SPPL2A: variants seen among roughly 807,000 people sequenced by gnomAD.
The protein encoded by SPPL2A is signal peptide peptidase-like 2A.
Under a neutral mutation model 63.8 loss-of-function variants are expected in SPPL2A, and 51 were observed. That is an observed-to-expected ratio of 0.80 (90% confidence interval 0.64 to 1.01). The LOEUF (loss-of-function observed/expected upper bound fraction) is 1.01. Ranked by LOEUF, SPPL2A falls within the 50% of genes least tolerant of loss-of-function variation. The pLI is 0.00. For synonymous variants in SPPL2A, 188 were observed against 205.8 expected (o/e 0.91, Z 0.74); for missense variants, 553 against 622.7 (o/e 0.89, Z 1.19).
chr15:50,709,527 C>T (rs2062540400), intron 14 of SPPL2A, among the ~76,000 whole-genome samples: 1 of 152,114 alleles, frequency 6.6e-6, no homozygotes, highest in African/African-American at 2.4e-5. Context: ...CGCGGTGGCT[C>T]ACGCCTGTAA....
intron 8 of SPPL2A, among the ~76,000 whole-genome samples, chr15:50,735,718 G>C (rs1315326405): frequency 6.6e-6 from 1 of 152,076 alleles, no homozygotes; most frequent in African/African-American, 2.4e-5. Flanking sequence ...TGGGATTACA[G>C]GCATGCACTA....
Position 50,726,378 on chromosome 15 carries a change from C to G in SPPL2A, c.1090-1G>C. 5 of 1,613,486 alleles carry G rather than the reference C, an allele frequency of 3.1e-6. No individual in the cohort carries two copies. The highest frequency in any genetic ancestry group is 4.2e-6 in the Non-Finnish European group (5 of 1,179,450). The stretch of plus-strand genomic sequence containing the variant: ...GTTCAACCATGATACTCTCACCATT[C>G]TAAAATTGAGAAGGAAAAGAAGTTG... On this transcript the variant is annotated splice_acceptor_variant, in intron 10 of 14. Coordinates refer to ENST00000261854, the MANE Select transcript of SPPL2A (RefSeq NM_032802.4). LOFTEE classifies it high-confidence loss of function.
chr15:50,751,505 T>C (rs1250473563), intron 1 of SPPL2A, among the ~76,000 whole-genome samples: 1 of 152,250 alleles, frequency 6.6e-6, no homozygotes, highest in Non-Finnish European at 1.5e-5. Flanking sequence ...AATTGGGTAC[T>C]TCTTACTGCA....
intron 1 of SPPL2A, among the ~76,000 whole-genome samples, chr15:50,761,440 AC>A (rs575061757): frequency 1.3e-5 from 2 of 151,598 alleles, no homozygotes. Flanking sequence ...ATGTGGAGAA[AC>A]CCCCGTCTCT....
At position 50,715,157 on chromosome 15, in the gene SPPL2A, C is replaced by T. The variant is rs537792051; in HGVS notation, c.1488+4783G>A. Among the ~76,000 whole-genome samples the T allele has an allele frequency of 4.6e-5, 7 of 152,146 alleles. No individual in the cohort carries two copies. The East Asian group carries it at 1.4e-3, about 30-fold the overall frequency. ...TACAAGTGTGTGCCATCATGCCAGG[C>T]TACTTTTTTCTTGTATTTTTAGTAG... On this transcript the variant is annotated intron_variant, in intron 14 of 14. Coordinates refer to ENST00000261854, the MANE Select transcript of SPPL2A (RefSeq NM_032802.4).
chr15:50,735,378 A>ACT (rs746400607), intron 8 of SPPL2A, among the ~76,000 whole-genome samples: 1 of 150,118 alleles, frequency 6.7e-6, no homozygotes, highest in African/African-American at 2.5e-5. Context: ...TTGTTTCTGC[A>ACT]CTCTCTCTCT....
At chr15:50,713,131 TA>T (rs2062572787) in intron 14 of SPPL2A, among the ~76,000 whole-genome samples, 1 of 152,180 alleles carries the variant, frequency 6.6e-6, no homozygotes, top group African/African-American at 2.4e-5. Context: ...ACATTCAAGG[TA>T]AGCTAATTTT....
At chr15:50,744,797 C>T (rs1280693358) in intron 5 of SPPL2A, among the ~76,000 whole-genome samples, 1 of 152,116 alleles carries the variant, frequency 6.6e-6, no homozygotes, top group African/African-American at 2.4e-5. Context: ...AGATGCTTTG[C>T]GCCCCCACAA....
chr15:50,740,813 G>C (rs2062814240), intron 5 of SPPL2A, among the ~76,000 whole-genome samples: 1 of 152,094 alleles, frequency 6.6e-6, no homozygotes, highest in Non-Finnish European at 1.5e-5. Context: ...GTTTCACCAT[G>C]TTGCCCTGGC....
At chr15:50,716,965 T>C (rs2062603601) in intron 14 of SPPL2A, among the ~76,000 whole-genome samples, 1 of 152,154 alleles carries the variant, frequency 6.6e-6, no homozygotes, top group Non-Finnish European at 1.5e-5. Context: ...ACTGAATTCA[T>C]CATCATCTTC....
intron 1 of SPPL2A, among the ~76,000 whole-genome samples, chr15:50,759,623 G>A (rs2062991245): frequency 6.6e-6 from 1 of 151,934 alleles, no homozygotes; most frequent in Admixed American, 6.6e-5. Context: ...GGTGCCTGCA[G>A]TCCCAGCTAC....
At chr15:50,749,326 T>G (rs987086130) in intron 2 of SPPL2A, among the ~76,000 whole-genome samples, 1 of 152,104 alleles carries the variant, frequency 6.6e-6, no homozygotes, top group South Asian at 2.1e-4. Context: ...CTCACCCTGT[T>G]GCCCAGGCTG....
At chr15:50,717,209 T>C (rs776327966) in intron 14 of SPPL2A, among the ~76,000 whole-genome samples, 4 of 152,194 alleles carry the variant, frequency 2.6e-5, no homozygotes, top group Non-Finnish European at 5.9e-5. Flanking sequence ...TCTCACTCGC[T>C]CTGTTGCCCG....
chr15:50,731,313 G>A (rs747011551), intron 9 of SPPL2A, among the ~76,000 whole-genome samples: 3 of 150,998 alleles, frequency 2.0e-5, no homozygotes, highest in Non-Finnish European at 4.4e-5. Flanking sequence ...TTGGGAGACT[G>A]AGGCGGGGCG....
At position 50,707,730 on chromosome 15, in the gene SPPL2A, A is replaced by G; in HGVS notation, c.*70T>C. ...AAGACTCTTTCAGATTGTCAATTCAAAAGTCAATTTAAAAAGTCGAAGTCT... is the reference window on the plus strand; with the variant it reads ...AAGACTCTTTCAGATTGTCAATTCAGAAGTCAATTTAAAAAGTCGAAGTCT... On this transcript the variant is annotated 3_prime_UTR_variant, in exon 15 of 15. Coordinates refer to ENST00000261854, the MANE Select transcript of SPPL2A (RefSeq NM_032802.4). 2 of 819,468 alleles carry G rather than the reference A, an allele frequency of 2.4e-6. No homozygotes were observed. The highest frequency in any genetic ancestry group is 4.9e-5 in the East Asian group (2 of 40,934). The allele number at this position is 819,468 out of a possible 1,614,324, so 50.8% of individuals were successfully genotyped here.
chr15:50,718,418 T>C (rs2062616953), intron 14 of SPPL2A, among the ~76,000 whole-genome samples: 1 of 152,126 alleles, frequency 6.6e-6, no homozygotes, highest in African/African-American at 2.4e-5. Flanking sequence ...CATTAAAAAA[T>C]GATGTAGAGT....
At chr15:50,729,065 T>C (rs1220842822) in intron 10 of SPPL2A, among the ~76,000 whole-genome samples, 1 of 152,022 alleles carries the variant, frequency 6.6e-6, no homozygotes, top group African/African-American at 2.4e-5. Context: ...CCACCCGCCT[T>C]GGCCTCCCAA....
chr15:50,762,479 A>G (rs2063020950), intron 1 of SPPL2A, among the ~76,000 whole-genome samples: 1 of 152,192 alleles, frequency 6.6e-6, no homozygotes, highest in South Asian at 2.1e-4. Flanking sequence ...ATGGGTTTAA[A>G]AAATATTAAA....
rs1171667781 is a variant in SPPL2A at position 50,736,698 on chromosome 15, C to T, written c.776G>A (p.Ser259Asn). 2 of 1,610,270 alleles carry T rather than the reference C, an allele frequency of 1.2e-6. No homozygotes were observed. The highest frequency in any genetic ancestry group is 1.1e-5 in the South Asian group (1 of 90,846). Residue 259 changes from serine (S) to asparagine (N), a missense_variant, in exon 7 of 15, where the codon AGT becomes AAT. Physicochemically the swap from Ser to Asn is conservative, Grantham distance 46. Coordinates refer to ENST00000261854, the MANE Select transcript of SPPL2A (RefSeq NM_032802.4). ...IAIFCIASAM[S>N]LYNCLAALIH... ...TAGTGCAGCAAGACAGTTGTACAGACTCATTGCTGATGCTATGCAGAAAAT... is the reference window on the plus strand; with the variant it reads ...TAGTGCAGCAAGACAGTTGTACAGATTCATTGCTGATGCTATGCAGAAAAT...
Sources: gnomAD v4.1 joint callset for allele counts (sites outside exome capture counted in the v4.1 genomes callset) on GRCh38, gnomAD v4.1.1 for gene constraint, MANE v1.5 for transcripts, NCBI Gene and HGNC (gene_info 2026-07-23, HGNC 2026-07-21) for gene names.